ARIH2: variants seen among roughly 807,000 people sequenced by gnomAD.
ARIH2 encodes the protein ariadne RBR E3 ubiquitin protein ligase 2.
In ARIH2, 12 loss-of-function variants were observed where a neutral mutation model predicts 79.8. The observed-to-expected ratio is 0.15, with a 90% CI of 0.10 to 0.24. The LOEUF (loss-of-function observed/expected upper bound fraction) is 0.24. Ranked by LOEUF, ARIH2 falls within the 10% of genes least tolerant of loss-of-function variation. ARIH2 has a pLI of 1.00. For missense variants in ARIH2, 301 were observed against 618.3 expected, an observed-to-expected ratio of 0.49 and a Z score of 5.44; for synonymous variants, 224 against 213.9, an observed-to-expected ratio of 1.05 and a Z score of -0.41.
At chr3:48,920,384 C>T (rs2084642407) in intron 1 of ARIH2, among the ~76,000 whole-genome samples, 1 of 144,202 alleles carries the variant, frequency 6.9e-6, no homozygotes, top group Admixed American at 7.3e-5. Flanking sequence ...TTTAAATGTG[C>T]ACCTAGAACA....
chr3:48,931,780 G>T (rs2086396729), intron 3 of ARIH2, among the ~76,000 whole-genome samples: 1 of 152,056 alleles, frequency 6.6e-6, no homozygotes, highest in Non-Finnish European at 1.5e-5. Context: ...ACTTTGGGAG[G>T]CCAAGGCAGG....
chr3:48,954,304 G>T (rs776449655), intron 3 of ARIH2, among the ~76,000 whole-genome samples: 5 of 151,860 alleles, frequency 3.3e-5, no homozygotes, highest in Non-Finnish European at 5.9e-5. Context: ...AGGCATCGTG[G>T]TGGGCACCTG....
chr3:48,949,006 G>C, intron 3 of ARIH2: 1 of 455,700 alleles, frequency 2.2e-6, no homozygotes, highest in Non-Finnish European at 4.4e-6. Context: ...GCAGTATGCT[G>C]CTGTGACCAT....
At position 48,933,888 on chromosome 3, in the gene ARIH2, T is replaced by C. The variant is rs991611842; in HGVS notation, c.255+6075T>C. ...TTTTAAGCCTGTTCCCCAGATAGGATTGGAGAAATATGCCAATTATCACAA... is the reference window on the plus strand; with the variant it reads ...TTTTAAGCCTGTTCCCCAGATAGGACTGGAGAAATATGCCAATTATCACAA... On this transcript the variant is annotated intron_variant, in intron 3 of 15. Transcript: ENST00000356401. Among the ~76,000 whole-genome samples, 3 of 152,310 alleles carry C rather than the reference T, an allele frequency of 2.0e-5. No individual in the cohort carries two copies. In the East Asian group the frequency reaches 5.8e-4, roughly 29 times the overall value.
rs1364928920 is a variant in ARIH2, at chr3:48,983,337, T to C, written c.*67T>C. 3.3e-6 allele frequency: 5 copies of C among 1,529,342 alleles called. No homozygotes were observed. In the Admixed American group the frequency reaches 8.3e-5, roughly 26 times the overall value. 94.7% of individuals were successfully genotyped at this position (1,529,342 alleles called of 1,614,324 possible). The stretch of plus-strand genomic sequence containing the variant: ...AAGGTCTCCCGGCTGCCATACTGCA[T>C]GCTGCAGGCTCTGCCTTTCATGACC... On this transcript the variant is annotated 3_prime_UTR_variant, in exon 16 of 16. Transcript: ENST00000356401.
intron 3 of ARIH2, among the ~76,000 whole-genome samples, chr3:48,959,099 G>A (rs968147682): frequency 1.6e-4 from 24 of 151,818 alleles, no homozygotes; most frequent in Non-Finnish European, 2.9e-4. Flanking sequence ...GGTGGATCAC[G>A]AGGTCAGGAG....
intron 3 of ARIH2, among the ~76,000 whole-genome samples, chr3:48,947,682 A>G (rs1286593535): frequency 4.6e-5 from 7 of 152,214 alleles, no homozygotes; most frequent in Non-Finnish European, 1.0e-4. Context: ...AACCCTTTGT[A>G]TATTGTGACG....
rs114321045 is a variant in ARIH2 at position 48,960,316 on chromosome 3, G to A, written c.256-1296G>A. Among the ~76,000 whole-genome samples the A allele has an allele frequency of 7.0e-4, 107 of 152,312 alleles. 1 individual carries two copies. Among genetic ancestry groups the A allele is most frequent in the African/African-American group, 2.5e-3 (103 of 41,564 alleles). On this transcript the variant is annotated intron_variant, in intron 3 of 15. Transcript: ENST00000356401. ...AATGTGAACTTCTAAGGCGGGTGAA[G>A]TGGTATGCACCTGTAGTGCCCGAGA...
At position 48,984,178 on chromosome 3, in the gene ARIH2, C is replaced by G. The variant is rs1413452980; in HGVS notation, c.*908C>G. 6.6e-6 allele frequency: 1 copy of G among 152,652 alleles called. No homozygotes were observed. The highest frequency in any genetic ancestry group is 2.4e-5 in the African/African-American group (1 of 41,452). 9.5% of individuals were successfully genotyped at this position (152,652 alleles called of 1,614,324 possible). A position where few individuals can be genotyped will look rare whatever the true frequency, so the allele number is the denominator to read the frequency against. The stretch of plus-strand genomic sequence containing the variant: ...TAAATTTGCTTTACCTTGGTCCTTT[C>G]TTTTGTGCCAGTATTCAAGTGGTAT... On this transcript the variant is annotated 3_prime_UTR_variant, in exon 16 of 16. Transcript: ENST00000356401.
intron 4 of ARIH2, among the ~76,000 whole-genome samples, chr3:48,964,607 G>A (rs1376404136): frequency 6.6e-6 from 1 of 152,174 alleles, no homozygotes; most frequent in Non-Finnish European, 1.5e-5. Flanking sequence ...AAGCCACTGC[G>A]CCTGGCCTAG....
intron 5 of ARIH2, among the ~76,000 whole-genome samples, chr3:48,965,916 G>A (rs1282211722): frequency 1.3e-5 from 2 of 151,530 alleles, no homozygotes; most frequent in Non-Finnish European, 2.9e-5. Flanking sequence ...AGCCAAGATC[G>A]CACCCCTGCA....
intron 13 of ARIH2, 55 bp downstream of exon 13, chr3:48,980,551 A>G (rs2092710334): frequency 1.3e-6 from 2 of 1,586,304 alleles, no homozygotes; most frequent in South Asian, 2.3e-5. Context: ...TCCGTCAGGC[A>G]CAGACCTCTG....
chr3:48,944,263 G>A (rs536664896), intron 3 of ARIH2, among the ~76,000 whole-genome samples: 1 of 151,914 alleles, frequency 6.6e-6, no homozygotes, highest in African/African-American at 2.4e-5. Context: ...CTTCACTTTG[G>A]TAGATGTTTG....
At chr3:48,981,214 C>CCTGG (rs772313653) in intron 13 of ARIH2, among the ~76,000 whole-genome samples, 13 of 151,008 alleles carry the variant, frequency 8.6e-5, no homozygotes, top group Non-Finnish European at 1.5e-4. Context: ...CACCTGTAGT[C>CCTGG]CTGGCTACTT....
At chr3:48,934,694 T>C (rs2086874701) in intron 3 of ARIH2, 1 of 985,332 alleles carries the variant, frequency 1.0e-6, no homozygotes, top group African/African-American at 1.7e-5. Flanking sequence ...TAAATTCATT[T>C]TTAAAAGGCG....
intron 1 of ARIH2, chr3:48,919,355 T>G (rs2084413849): frequency 8.3e-6 from 5 of 604,706 alleles, no homozygotes; most frequent in African/African-American, 1.9e-5. Context: ...CTCGCAGCGC[T>G]GCCCGCGCGG....
chr3:48,940,971 T>C lies in ARIH2; in HGVS notation c.255+13158T>C, dbSNP rs369613168. ...GATCACGAGGTCAGGAGATCAAGAC[T>C]ATCCTGGCTAACATGGTGAAACCCC... On this transcript the variant is annotated intron_variant, in intron 3 of 15. Transcript: ENST00000356401. 2.9e-3 allele frequency among the ~76,000 whole-genome samples: 440 copies of C among 150,642 alleles called. 4 individuals carry two copies. The highest frequency in any genetic ancestry group is 9.8e-3 in the African/African-American group (402 of 41,058).
intron 3 of ARIH2, among the ~76,000 whole-genome samples, chr3:48,932,244 A>G (rs1391840610): frequency 6.6e-6 from 1 of 152,212 alleles, no homozygotes; most frequent in Non-Finnish European, 1.5e-5. Flanking sequence ...GTGGCAAAAC[A>G]GAAGCATTAT....
At chr3:48,943,858 C>T (rs948109827) in intron 3 of ARIH2, among the ~76,000 whole-genome samples, 4 of 152,086 alleles carry the variant, frequency 2.6e-5, no homozygotes, top group African/African-American at 4.8e-5. Flanking sequence ...TTTGGCATTC[C>T]CTGTCTTTGC....
Sources: allele counts gnomAD v4.1 joint callset (sites outside exome capture counted in the v4.1 genomes callset), GRCh38; gene constraint gnomAD v4.1.1; transcripts MANE v1.5; gene names NCBI Gene and HGNC (gene_info 2026-07-23, HGNC 2026-07-21).